Variants in JMY observed in about 807,000 individuals in gnomAD.
JMY encodes the protein junction-mediating and -regulatory protein.
Under a neutral mutation model 103.3 loss-of-function variants are expected in JMY, and 46 were observed. The observed-to-expected ratio is 0.45, with a 90% CI of 0.35 to 0.57. The LOEUF (loss-of-function observed/expected upper bound fraction) is 0.57, where lower values mean the gene tolerates loss of function less well. Among genes scored for constraint, JMY ranks in the 20% least tolerant of loss-of-function variants. The pLI is 0.00. For synonymous variants in JMY, 526 were observed against 489.3 expected (o/e 1.07, Z -0.99); for missense variants, 1,238 against 1,255.2 (o/e 0.99, Z 0.21).
chr5:79,283,068 C>T (rs1003537086), intron 2 of JMY, among the ~76,000 whole-genome samples: 6 of 151,670 alleles, frequency 4.0e-5, no homozygotes, highest in African/African-American at 9.7e-5. Context: ...GCAGTCTCAC[C>T]GCAACCTCTG....
rs957829747 is a variant in JMY at position 79,236,319 on chromosome 5, C to T, written c.-332C>T. On this transcript the variant is annotated 5_prime_UTR_variant, in exon 1 of 11. Coordinates refer to ENST00000396137, the MANE Select transcript of JMY (RefSeq NM_152405.5). ...GACCCGCGCCTCACCACCGGAGCGC[C>T]GCAGACGCAGCTCCACGGCCTCGCG... is the stretch of plus-strand genomic sequence containing the variant. 5.0e-5 allele frequency: 10 copies of T among 201,272 alleles called. No individual in the cohort carries two copies. The highest frequency in any genetic ancestry group is 2.1e-4 in the African/African-American group (9 of 43,248). The allele number at this position is 201,272 out of a possible 1,614,324, so 12.5% of individuals were successfully genotyped here. A position where few individuals can be genotyped will look rare whatever the true frequency, so the allele number is the denominator to read the frequency against.
chr5:79,238,885 G>C (rs995538203), intron 1 of JMY, among the ~76,000 whole-genome samples: 1 of 152,008 alleles, frequency 6.6e-6, no homozygotes, highest in Non-Finnish European at 1.5e-5. Context: ...GTATGGTCTC[G>C]ATCTCCTGAC....
At chr5:79,272,490 CT>C (rs1210665666) in intron 1 of JMY, among the ~76,000 whole-genome samples, 1 of 151,172 alleles carries the variant, frequency 6.6e-6, no homozygotes, top group Non-Finnish European at 1.5e-5. Context: ...GTTTTTACTT[CT>C]TTTTTCTCCT....
chr5:79,296,596 C>T (rs1268776615), intron 4 of JMY, among the ~76,000 whole-genome samples: 1 of 152,244 alleles, frequency 6.6e-6, no homozygotes, highest in Non-Finnish European at 1.5e-5. Flanking sequence ...TCCCTACTGT[C>T]TCAGCCTCCT....
At chr5:79,251,052 G>T (rs1480783685) in intron 1 of JMY, among the ~76,000 whole-genome samples, 4 of 151,990 alleles carry the variant, frequency 2.6e-5, no homozygotes, top group African/African-American at 9.7e-5. Flanking sequence ...GAGTATGTAG[G>T]TATTTGTATA....
intron 1 of JMY, among the ~76,000 whole-genome samples, chr5:79,258,304 T>G (rs960738600): frequency 7.3e-6 from 1 of 137,046 alleles, no homozygotes; most frequent in African/African-American, 2.7e-5. Context: ...GGGCTTTTTT[T>G]GTTTTTGTTG....
intron 4 of JMY, among the ~76,000 whole-genome samples, chr5:79,293,403 CTTT>C (rs5868984): frequency 2.0e-5 from 3 of 146,840 alleles, no homozygotes; most frequent in African/African-American, 7.5e-5. Context: ...CTTTTTTTAA[CTTT>C]TTTTTTTTTT....
At chr5:79,293,371 T>G (rs527880084) in intron 4 of JMY, among the ~76,000 whole-genome samples, 7 of 150,814 alleles carry the variant, frequency 4.6e-5, no homozygotes, top group South Asian at 2.1e-4. Context: ...CCTTTTAATT[T>G]ATACCCCCTT....
intron 10 of JMY, 108 bp downstream of exon 10, chr5:79,316,418 A>G: frequency 1.3e-6 from 1 of 799,816 alleles, no homozygotes; most frequent in Non-Finnish European, 1.9e-6. Context: ...TTTGTTTTAT[A>G]ACCCAATTTT....
chr5:79,301,444 A>G (rs1000548270), intron 6 of JMY, among the ~76,000 whole-genome samples: 4 of 152,202 alleles, frequency 2.6e-5, no homozygotes, highest in African/African-American at 9.7e-5. Context: ...TTTAAGCTCA[A>G]GTATTATAAA....
chr5:79,291,103 A>G, intron 3 of JMY, 27 bp from the exon 4 acceptor site: 2 of 1,493,142 alleles, frequency 1.3e-6, no homozygotes, highest in Non-Finnish European at 1.8e-6. Flanking sequence ...TATTTGTCTT[A>G]ATTTCTCTTT....
At chr5:79,305,885 C>G (rs956977751) in intron 6 of JMY, among the ~76,000 whole-genome samples, 2 of 151,828 alleles carry the variant, frequency 1.3e-5, no homozygotes, top group African/African-American at 4.8e-5. Context: ...TTCTTTTTTG[C>G]CCAGACATGT....
chr5:79,295,609 T>C (rs1321161458), intron 4 of JMY, among the ~76,000 whole-genome samples: 1 of 152,202 alleles, frequency 6.6e-6, no homozygotes, highest in Non-Finnish European at 1.5e-5. Flanking sequence ...TTAAGATGTT[T>C]ACTTGCCTCA....
chr5:79,237,494 A>G lies in JMY; in HGVS notation c.844A>G (p.Ile282Val), dbSNP rs754291512. Residue 282 changes from isoleucine (I) to valine (V), a missense_variant, in exon 1 of 11, where the codon ATC (isoleucine) becomes GTC (valine). Transcript: ENST00000396137. ...GGAPEMTEQE[I>V]DTLCYQLQVY... ...CGCCCCCGAGATGACCGAGCAGGAA[A>G]TCGACACTCTGTGTTACCAGCTCCA... is the stretch of plus-strand genomic sequence containing the variant. 1.9e-4 allele frequency: 303 copies of G among 1,613,678 alleles called. 6 individuals are homozygous for G. The South Asian group carries it at 2.3e-3, about 12-fold the overall frequency.
chr5:79,286,900 C>T (rs1746286048), intron 2 of JMY, among the ~76,000 whole-genome samples: 1 of 152,102 alleles, frequency 6.6e-6, no homozygotes, highest in Non-Finnish European at 1.5e-5. Flanking sequence ...GAAAGTAACT[C>T]TAAGGTACTT....
intron 2 of JMY, among the ~76,000 whole-genome samples, chr5:79,279,315 C>T (rs1430671545): frequency 6.6e-6 from 1 of 152,160 alleles, no homozygotes; most frequent in Non-Finnish European, 1.5e-5. Context: ...GCCTGGGCGA[C>T]ACAGCAAGAC....
intron 10 of JMY, among the ~76,000 whole-genome samples, chr5:79,319,573 TCTC>T (rs758950510): frequency 8.1e-5 from 12 of 147,350 alleles, no homozygotes; most frequent in African/African-American, 1.7e-4. Context: ...CTTTTTTTTT[TCTC>T]TCTCTCTTTT....
At chr5:79,284,251 C>T (rs1447519777) in intron 2 of JMY, 10 of 1,524,892 alleles carry the variant, frequency 6.6e-6, no homozygotes, top group African/African-American at 1.4e-5. Context: ...ATGAGCTTTC[C>T]CAATTCAAAC....
At chr5:79,299,596 C>A (rs531814958) in intron 4 of JMY, among the ~76,000 whole-genome samples, 19 of 152,240 alleles carry the variant, frequency 1.2e-4, no homozygotes, top group African/African-American at 4.6e-4. Flanking sequence ...CCTAAAGTGA[C>A]ACCTTACGGA....
Sources: allele counts gnomAD v4.1 joint callset (sites outside exome capture counted in the v4.1 genomes callset), GRCh38; gene constraint gnomAD v4.1.1; transcripts MANE v1.5; gene names NCBI Gene and HGNC (gene_info 2026-07-23, HGNC 2026-07-21).